The following SOX6 variants were observed in gnomAD, a reference collection of about 807,000 sequenced individuals.
SOX6 encodes SRY-box transcription factor 6.
Under a neutral mutation model 97.8 loss-of-function variants are expected in SOX6, and 11 were observed. That is an observed-to-expected ratio of 0.11 (90% CI 0.07 to 0.19). The LOEUF (loss-of-function observed/expected upper bound fraction) is 0.19, where lower values mean the gene tolerates loss of function less well. SOX6 is among the 10% of genes least tolerant of loss of function. SOX6 has a pLI of 1.00. For synonymous variants in SOX6, 360 were observed against 371.4 expected (o/e 0.97, Z 0.35); for missense variants, 810 against 1,039.5 (o/e 0.78, Z 3.04).
At chr11:15,973,305 G>A (rs1049851668) in intron 15 of SOX6, among the ~76,000 whole-genome samples, 193 bp from the exon 16 acceptor site, 3 of 152,122 alleles carry the variant, frequency 2.0e-5, no homozygotes, top group Non-Finnish European at 2.9e-5. Flanking sequence ...GCTATGTTAG[G>A]GGTTAAACAA....
intron 12 of SOX6, among the ~76,000 whole-genome samples, chr11:16,018,262 T>C (rs16932453): frequency 0.11 from 16,800 of 152,092 alleles, 1,970 homozygotes; most frequent in East Asian, 0.35. Context: ...TAGACTGCTG[T>C]ATTATTATCC....
intron 3 of SOX6, chr11:16,317,491 A>T (rs1276925794): frequency 1.3e-5 from 2 of 152,568 alleles, no homozygotes; most frequent in African/African-American, 4.8e-5. Context: ...TTATGACCCT[A>T]GGTCATCAAA....
At chr11:16,577,044 T>C (rs753363599) in intron 4 of SOX6, 26 of 152,070 alleles carry the variant, frequency 1.7e-4, no homozygotes, top group Non-Finnish European at 2.8e-4. Flanking sequence ...CCGGCCCAGG[T>C]TGGAAATGGA....
intron 3 of SOX6, among the ~76,000 whole-genome samples, chr11:16,694,303 G>C (rs1440490812): frequency 6.6e-6 from 1 of 152,200 alleles, no homozygotes; most frequent in Non-Finnish European, 1.5e-5. Context: ...CATGACAGGA[G>C]GATGGTTTGA....
At chr11:16,142,736 G>T (rs908002529) in intron 6 of SOX6, among the ~76,000 whole-genome samples, 5 of 152,042 alleles carry the variant, frequency 3.3e-5, no homozygotes, top group African/African-American at 7.2e-5. Context: ...CGATCAACGG[G>T]AATAAAGGGT....
At chr11:16,304,782 G>A (rs1427025080) in intron 3 of SOX6, among the ~76,000 whole-genome samples, 1 of 151,928 alleles carries the variant, frequency 6.6e-6, no homozygotes, top group Admixed American at 6.6e-5. Flanking sequence ...TTTCTATATA[G>A]ATAATCACGT....
At chr11:16,687,179 C>T (rs1041380954) in intron 3 of SOX6, among the ~76,000 whole-genome samples, 1 of 152,140 alleles carries the variant, frequency 6.6e-6, no homozygotes, top group South Asian at 2.1e-4. Context: ...GAAAGGTTTG[C>T]TTGGCTCACA....
At chr11:16,337,377 T>C (rs297345) in intron 2 of SOX6, among the ~76,000 whole-genome samples, 152,123 of 152,254 alleles carry the variant, frequency 1, 75,997 homozygotes, top group Middle Eastern at 1. Context: ...AGCAGATAAT[T>C]ATTACACACA....
At chr11:16,038,437 A>C (rs1157765706) in intron 12 of SOX6, among the ~76,000 whole-genome samples, 2 of 152,194 alleles carry the variant, frequency 1.3e-5, no homozygotes, top group Admixed American at 6.6e-5. Flanking sequence ...GAAAGAAAAA[A>C]AGAAGGGAAG....
chr11:16,132,411 A>G (rs1849812606), intron 6 of SOX6, among the ~76,000 whole-genome samples: 1 of 108,514 alleles, frequency 9.2e-6, no homozygotes, highest in East Asian at 4.5e-4. Flanking sequence ...AAAAGAAAGA[A>G]AGAAAGAAAG....
At chr11:16,189,260 G>A (rs1438762255) in intron 4 of SOX6, among the ~76,000 whole-genome samples, 7 of 152,174 alleles carry the variant, frequency 4.6e-5, no homozygotes, top group African/African-American at 9.7e-5. Flanking sequence ...TTAACTAGAC[G>A]AAGAGTTGGA....
chr11:16,095,868 A>G, intron 9 of SOX6, 128 bp downstream of exon 9: 1 of 1,139,286 alleles, frequency 8.8e-7, no homozygotes. Context: ...GGAATGAGAA[A>G]AAGGGAAAGA....
rs1564869806 is a variant in SOX6 at position 16,689,442 on chromosome 11, T to C, written n.429+25388A>G. On this transcript the variant is annotated intron_variant and non_coding_transcript_variant, in intron 3 of 5. Coordinates refer to the SOX6 transcript ENST00000524520. ...TTGTTTATTTCCAGAATTTCAAGGATCACTATTATTGCCTGATGTCCAATG... is the reference window on the plus strand; with the variant it reads ...TTGTTTATTTCCAGAATTTCAAGGACCACTATTATTGCCTGATGTCCAATG... Among the ~76,000 whole-genome samples, 3 of 152,306 alleles carry C rather than the reference T, an allele frequency of 2.0e-5. No homozygotes were observed. The East Asian group carries it at 5.8e-4, about 29-fold the overall frequency.
chr11:16,330,480 C>A (rs1856255542), intron 2 of SOX6, among the ~76,000 whole-genome samples: 1 of 152,114 alleles, frequency 6.6e-6, no homozygotes, highest in Admixed American at 6.5e-5. Context: ...TCACTTGAAC[C>A]CAGAAGGCGG....
At chr11:16,057,000 T>C (rs1847832186) in intron 9 of SOX6, among the ~76,000 whole-genome samples, 1 of 152,140 alleles carries the variant, frequency 6.6e-6, no homozygotes, top group Non-Finnish European at 1.5e-5. Context: ...ATGACCAAAA[T>C]GTACAGTGCA....
At chr11:16,231,023 T>C (rs1852831463) in intron 4 of SOX6, among the ~76,000 whole-genome samples, 1 of 151,766 alleles carries the variant, frequency 6.6e-6, no homozygotes, top group Admixed American at 6.6e-5. Flanking sequence ...GTTGACATTA[T>C]TCATCAAAAC....
intron 12 of SOX6, among the ~76,000 whole-genome samples, chr11:16,029,993 A>G (rs920867814): frequency 1.3e-5 from 2 of 152,198 alleles, no homozygotes; most frequent in Non-Finnish European, 2.9e-5. Flanking sequence ...TATGATCAAA[A>G]TTTTAATTTT....
intron 4 of SOX6, among the ~76,000 whole-genome samples, chr11:16,204,395 A>G (rs1385628046): frequency 6.6e-6 from 1 of 151,992 alleles, no homozygotes; most frequent in Non-Finnish European, 1.5e-5. Context: ...AGAACTGGAG[A>G]CCTGGAGGAA....
Position 16,080,091 on chromosome 11 carries a change from A to T in SOX6, c.1101+15905T>A, listed in dbSNP as rs912347136. On this transcript the variant is annotated intron_variant, in intron 9 of 15. Coordinates refer to ENST00000683767, the MANE Select transcript of SOX6 (RefSeq NM_001367873.1). ...GTACCCTAAAACTTAAAGTATAATT[A>T]AAAAAAAAAACATTCTCATCACACC... Among the ~76,000 whole-genome samples, 131 of 144,120 alleles carry T rather than the reference A, an allele frequency of 9.1e-4. 1 individual carries two copies. Among genetic ancestry groups the T allele is most frequent in the African/African-American group, 2.7e-3 (106 of 39,688 alleles). 94.5% of individuals were successfully genotyped at this position (144,120 alleles called of 152,430 possible). A position where few individuals can be genotyped will look rare whatever the true frequency, so the allele number is the denominator to read the frequency against.
Sources: allele counts gnomAD v4.1 joint callset (sites outside exome capture counted in the v4.1 genomes callset), GRCh38; gene constraint gnomAD v4.1.1; transcripts MANE v1.5; gene names NCBI Gene and HGNC (gene_info 2026-07-23, HGNC 2026-07-21).